ZC3H18: variants seen among roughly 807,000 people sequenced by gnomAD.
ZC3H18 encodes zinc finger CCCH domain-containing protein 18.
A neutral mutation model predicts 106.1 loss-of-function variants in ZC3H18; 8 were observed. The observed-to-expected ratio is 0.08, with a 90% CI of 0.04 to 0.14. ZC3H18 has a LOEUF of 0.14. ZC3H18 is among the 10% of genes least tolerant of loss of function. The pLI is 1.00. For missense variants in ZC3H18, 1,318 were observed against 1,278.4 expected (o/e 1.03, Z -0.47); for synonymous variants, 635 against 522.1 (o/e 1.22, Z -2.95).
chr16:88,618,049 G>T (rs1206177988), intron 8 of ZC3H18, among the ~76,000 whole-genome samples: 2 of 152,248 alleles, frequency 1.3e-5, no homozygotes, highest in Non-Finnish European at 2.9e-5. Flanking sequence ...GCAGTTGAAC[G>T]CACAGAAGGC....
At chr16:88,612,280 G>A (rs1905314310) in intron 8 of ZC3H18, among the ~76,000 whole-genome samples, 1 of 152,118 alleles carries the variant, frequency 6.6e-6, no homozygotes, top group Non-Finnish European at 1.5e-5. Context: ...AATGGACGCT[G>A]CAACATACCC....
At chr16:88,619,444 G>A (rs150542975) in intron 8 of ZC3H18, among the ~76,000 whole-genome samples, 183 of 152,276 alleles carry the variant, frequency 1.2e-3, no homozygotes, top group African/African-American at 4.2e-3. Flanking sequence ...CGGAGGGCGC[G>A]CTGTGCAGTG....
At chr16:88,600,986 C>T (rs1420183874) in intron 6 of ZC3H18, among the ~76,000 whole-genome samples, 4 of 152,192 alleles carry the variant, frequency 2.6e-5, no homozygotes, top group Admixed American at 2.6e-4. Context: ...TGACAATAAA[C>T]GGTGCTCAAA....
intron 2 of ZC3H18, among the ~76,000 whole-genome samples, chr16:88,581,788 G>A (rs1028069191): frequency 6.6e-6 from 1 of 152,180 alleles, no homozygotes; most frequent in African/African-American, 2.4e-5. Flanking sequence ...TCTCCTGCAC[G>A]TCTAGTCTCT....
chr16:88,623,598 C>T, intron 10 of ZC3H18: 3 of 589,460 alleles, frequency 5.1e-6, no homozygotes, highest in Non-Finnish European at 8.8e-6. Flanking sequence ...GCACTCCAGT[C>T]CTCCGCAGAC....
chr16:88,596,392 A>G (rs1409046721), intron 3 of ZC3H18, among the ~76,000 whole-genome samples: 2 of 152,200 alleles, frequency 1.3e-5, no homozygotes, highest in African/African-American at 2.4e-5. Flanking sequence ...CTGTAATCCC[A>G]GCACTTTGGG....
chr16:88,570,905 G>C (rs1186562690), intron 1 of ZC3H18, among the ~76,000 whole-genome samples: 1 of 152,266 alleles, frequency 6.6e-6, no homozygotes, highest in Non-Finnish European at 1.5e-5. Flanking sequence ...TGTGCCGCCG[G>C]CTAAGGGGCG....
rs1398589006 is a variant in ZC3H18, at chr16:88,631,768, T to C, written c.*469T>C. The C allele has an allele frequency of 2.9e-6, 1 of 350,788 alleles. No homozygotes were observed. Among genetic ancestry groups the C allele is most frequent in the South Asian group, 2.1e-5 (1 of 48,062 alleles). The allele number at this position is 350,788 out of a possible 1,614,324, so 21.7% of individuals were successfully genotyped here. The stretch of plus-strand genomic sequence containing the variant: ...ATCACCCGCCCCCGGATCAGAAATA[T>C]ATCTATATTCTCGACTAAAGTCTCA... On this transcript the variant is annotated 3_prime_UTR_variant, in exon 18 of 18. Coordinates refer to ENST00000301011, the MANE Select transcript of ZC3H18 (RefSeq NM_144604.4).
rs1336139874 is a variant in ZC3H18, at chr16:88,631,415, A to G, written c.*116A>G. The G allele has an allele frequency of 2.1e-6, 3 of 1,408,356 alleles. No individual in the cohort carries two copies. The highest frequency in any genetic ancestry group is 2.9e-5 in the African/African-American group (2 of 68,904). The allele number at this position is 1,408,356 out of a possible 1,614,324, so 87.2% of individuals were successfully genotyped here. On this transcript the variant is annotated 3_prime_UTR_variant, in exon 18 of 18. Transcript: ENST00000301011. ...ATTCTTTTTAAAAAGTAAAAAAGAA[A>G]AAAAAGTTTCTCAGCTGGAAAAGAA... is the stretch of plus-strand genomic sequence containing the variant.
In ZC3H18 at chr16:88,577,363, C is replaced by T; in HGVS notation, c.240C>T (p.Asp80=). The change falls in exon 2 of 18, where the codon GAC becomes GAT. Residue 80 remains aspartate, a synonymous_variant. Transcript: ENST00000301011. ...GGGCAAGTGAGCCTAAATCCCAAGACCAGGACTCAGAGGTGAATGAGCTGA... is the reference window on the plus strand; with the variant it reads ...GGGCAAGTGAGCCTAAATCCCAAGATCAGGACTCAGAGGTGAATGAGCTGA... ...EDRASEPKSQ[D]QDSEVNELSR... is the part of the protein sequence containing the mutation. 2 of 1,599,618 alleles carry T rather than the reference C, an allele frequency of 1.3e-6. No individual in the cohort carries two copies. Among genetic ancestry groups the T allele is most frequent in the Non-Finnish European group, 8.5e-7 (1 of 1,171,404 alleles).
intron 6 of ZC3H18, among the ~76,000 whole-genome samples, chr16:88,601,285 C>T (rs769561174): frequency 6.6e-6 from 1 of 152,242 alleles, no homozygotes; most frequent in Non-Finnish European, 1.5e-5. Flanking sequence ...GCAGGATCAC[C>T]AGGGGTGTCT....
At chr16:88,623,888 T>G in intron 10 of ZC3H18, 70 bp from the exon 11 acceptor site, 2 of 1,525,982 alleles carry the variant, frequency 1.3e-6, no homozygotes, top group Non-Finnish European at 8.8e-7. Flanking sequence ...TCTGGGTGGG[T>G]CCTCAGTGGG....
chr16:88,616,510 G>A (rs1207089749), intron 8 of ZC3H18, among the ~76,000 whole-genome samples: 1 of 152,146 alleles, frequency 6.6e-6, no homozygotes, highest in Non-Finnish European at 1.5e-5. Context: ...TCACCTTTGC[G>A]GGAGCCCTGC....
chr16:88,582,933 T>A (rs1003995769), intron 2 of ZC3H18, among the ~76,000 whole-genome samples: 3 of 152,268 alleles, frequency 2.0e-5, no homozygotes, highest in Middle Eastern at 3.2e-3. Flanking sequence ...GTCACCTTTC[T>A]GAAGCCAGAA....
At chr16:88,626,547 C>G (rs1906321211) in intron 13 of ZC3H18, 1 of 151,760 alleles carries the variant, frequency 6.6e-6, no homozygotes, top group African/African-American at 2.4e-5. Context: ...GAGACATGGT[C>G]TTGCTGTGTT....
At position 88,611,363 on chromosome 16, in the gene ZC3H18, C is replaced by CGAGCGAGAGCGG. The variant is rs1421623456; in HGVS notation, c.1308_1319dup (p.Glu439_Arg442dup). The CGAGCGAGAGCGG allele has an allele frequency of 2.1e-5, 20 of 943,288 alleles. No individual in the cohort carries two copies. Among genetic ancestry groups the CGAGCGAGAGCGG allele is most frequent in the Non-Finnish European group, 2.9e-5 (17 of 593,112 alleles). 58.4% of individuals were successfully genotyped at this position (943,288 alleles called of 1,614,324 possible). ...AGCGGGAGCGCCGGCAGAGGGAGCG[C>CGAGCGAGAGCGG]GAGCGAGAGCGGGAGCGCGAGCGCG... is the stretch of plus-strand genomic sequence containing the variant. On this transcript the variant is annotated inframe_insertion, in exon 8 of 18. Coordinates refer to ENST00000301011, the MANE Select transcript of ZC3H18 (RefSeq NM_144604.4).
intron 3 of ZC3H18, among the ~76,000 whole-genome samples, chr16:88,589,520 C>CTT (rs1915620537): frequency 6.6e-6 from 1 of 152,212 alleles, no homozygotes; most frequent in Non-Finnish European, 1.5e-5. Context: ...TGTGGACAAA[C>CTT]TTTGAAGACG....
intron 6 of ZC3H18, among the ~76,000 whole-genome samples, chr16:88,600,854 A>G (rs1298318017): frequency 6.6e-6 from 1 of 152,280 alleles, no homozygotes; most frequent in African/African-American, 2.4e-5. Flanking sequence ...GGTTCAGGGC[A>G]GGGAACTGGA....
chr16:88,591,104 G>C (rs960690104), intron 3 of ZC3H18, among the ~76,000 whole-genome samples: 1 of 151,814 alleles, frequency 6.6e-6, no homozygotes, highest in Non-Finnish European at 1.5e-5. Context: ...CTGAGTAGTT[G>C]GAACTACAGG....
Sources: allele counts gnomAD v4.1 joint callset (sites outside exome capture counted in the v4.1 genomes callset), GRCh38; gene constraint gnomAD v4.1.1; transcripts MANE v1.5; gene names NCBI Gene and HGNC (gene_info 2026-07-23, HGNC 2026-07-21).